The following TPST1 variants were observed in gnomAD, a reference collection of about 807,000 sequenced individuals.
TPST1 encodes the protein protein-tyrosine sulfotransferase 1.
Under a neutral mutation model 34.8 loss-of-function variants are expected in TPST1, and 20 were observed. That is an observed-to-expected ratio of 0.57 (90% CI 0.40 to 0.84). The LOEUF is 0.84. Among genes scored for constraint, TPST1 ranks in the 40% least tolerant of loss-of-function variants. TPST1 has a pLI of 0.00. For missense variants in TPST1, 353 were observed against 455.5 expected (o/e 0.78, Z 2.05); for synonymous variants, 152 against 159.4 (o/e 0.95, Z 0.35).
intron 2 of TPST1, among the ~76,000 whole-genome samples, chr7:66,263,064 C>T (rs1221284499): frequency 6.6e-6 from 1 of 151,710 alleles, no homozygotes; most frequent in Non-Finnish European, 1.5e-5. Flanking sequence ...CGTGCCACTG[C>T]ACTCCAGCCT....
chr7:66,337,726 G>A (rs1792149806), intron 3 of TPST1, among the ~76,000 whole-genome samples: 1 of 152,156 alleles, frequency 6.6e-6, no homozygotes, highest in Non-Finnish European at 1.5e-5. Flanking sequence ...CGGTGTTAAA[G>A]TATAGAGTTT....
intron 1 of TPST1, among the ~76,000 whole-genome samples, chr7:66,222,246 G>A (rs905670321): frequency 5.9e-5 from 9 of 152,118 alleles, no homozygotes; most frequent in Non-Finnish European, 1.2e-4. Flanking sequence ...TTAGCTGGGC[G>A]TGGTGGCAGG....
At chr7:66,315,964 G>A (rs1791624260) in intron 3 of TPST1, among the ~76,000 whole-genome samples, 1 of 152,012 alleles carries the variant, frequency 6.6e-6, no homozygotes, top group Non-Finnish European at 1.5e-5. Flanking sequence ...TACAAAATTA[G>A]CCAGGCATGG....
rs190084770 is a variant in TPST1 at position 66,332,400 on chromosome 7, T to A, written c.1045-20105T>A. Among the ~76,000 whole-genome samples, 2 of 152,194 alleles carry A rather than the reference T, an allele frequency of 1.3e-5. No individual in the cohort carries two copies. The highest frequency in any genetic ancestry group is 3.9e-4 in the East Asian group (2 of 5,168). On this transcript the variant is annotated intron_variant, in intron 3 of 5. Transcript: ENST00000304842. The surrounding 1 kb of genome is among the most constrained non-coding windows in gnomAD (Gnocchi z 4.5). Reference sequence around the variant, plus strand: ...CTCCTGCCTCAGCCTCCCGAGTAGCTGGGATTACAGGTGCCCGCCACCAAG... The same window carrying A: ...CTCCTGCCTCAGCCTCCCGAGTAGCAGGGATTACAGGTGCCCGCCACCAAG...
At chr7:66,282,728 G>T (rs1464692350) in intron 2 of TPST1, among the ~76,000 whole-genome samples, 1 of 152,220 alleles carries the variant, frequency 6.6e-6, no homozygotes, top group Admixed American at 6.5e-5. Flanking sequence ...GCAACTCTGA[G>T]AGTTTCAATG....
At chr7:66,271,423 C>A (rs534902901) in intron 2 of TPST1, among the ~76,000 whole-genome samples, 235 of 152,274 alleles carry the variant, frequency 1.5e-3, no homozygotes, top group Non-Finnish European at 2.6e-3. Flanking sequence ...GTGATCTGCC[C>A]GCCTCAGCTT....
intron 2 of TPST1, among the ~76,000 whole-genome samples, chr7:66,270,613 T>C (rs192634317): frequency 1.2e-4 from 19 of 152,384 alleles, no homozygotes; most frequent in Non-Finnish European, 1.2e-4. Context: ...TTCTTTACCA[T>C]ACACTATTTT....
intron 4 of TPST1, among the ~76,000 whole-genome samples, chr7:66,355,546 T>G (rs1481476026): frequency 6.6e-6 from 1 of 151,938 alleles, no homozygotes; most frequent in Non-Finnish European, 1.5e-5. Flanking sequence ...TAAGGGAATT[T>G]TTTTTTAAAT....
intron 1 of TPST1, 82 bp from the exon 2 acceptor site, chr7:66,240,243 T>C: frequency 2.7e-6 from 2 of 733,454 alleles, no homozygotes; most frequent in South Asian, 4.0e-5. Flanking sequence ...TCTTTCTACC[T>C]AAAATGCAGT....
intron 3 of TPST1, among the ~76,000 whole-genome samples, chr7:66,302,455 G>A (rs1791336185): frequency 6.6e-6 from 1 of 152,270 alleles, no homozygotes; most frequent in South Asian, 2.1e-4. Context: ...GCTCCCACCA[G>A]CACTTACTAA....
intron 2 of TPST1, among the ~76,000 whole-genome samples, chr7:66,286,165 A>G (rs1201593447): frequency 6.6e-6 from 1 of 152,052 alleles, no homozygotes; most frequent in Non-Finnish European, 1.5e-5. Flanking sequence ...TTTGGTAAGC[A>G]TTTCAAGTAA....
At chr7:66,236,489 C>T (rs755926286) in intron 1 of TPST1, among the ~76,000 whole-genome samples, 1 of 151,882 alleles carries the variant, frequency 6.6e-6, no homozygotes, top group Non-Finnish European at 1.5e-5. Context: ...GGTATATGTA[C>T]TTTATTTAAG....
At chr7:66,343,913 CA>C (rs1319272300) in intron 3 of TPST1, among the ~76,000 whole-genome samples, 1 of 151,922 alleles carries the variant, frequency 6.6e-6, no homozygotes, top group Non-Finnish European at 1.5e-5. Flanking sequence ...CATAAGCAGA[CA>C]ATAGAAACTC....
intron 1 of TPST1, among the ~76,000 whole-genome samples, chr7:66,239,784 G>C (rs1226355955): frequency 1.3e-5 from 2 of 152,116 alleles, no homozygotes; most frequent in African/African-American, 2.4e-5. Context: ...AACAAAAGCT[G>C]TTTCTGATTA....
chr7:66,279,533 T>A (rs1276529192), intron 2 of TPST1, among the ~76,000 whole-genome samples: 1 of 152,232 alleles, frequency 6.6e-6, no homozygotes. Context: ...CTAATTTACA[T>A]TCCCACCAGC....
intron 3 of TPST1, among the ~76,000 whole-genome samples, chr7:66,297,618 A>G (rs1791228664): frequency 1.3e-5 from 2 of 152,214 alleles, no homozygotes; most frequent in African/African-American, 4.8e-5. Context: ...AGGAAGAGCA[A>G]GTGATCAAAT....
chr7:66,306,985 G>C (rs1791436616), intron 3 of TPST1, among the ~76,000 whole-genome samples: 1 of 152,066 alleles, frequency 6.6e-6, no homozygotes, highest in Non-Finnish European at 1.5e-5. Flanking sequence ...CACAGTGCTG[G>C]GATTACAGGT....
chr7:66,276,365 C>CATATATATATAT (rs138862941), intron 2 of TPST1, among the ~76,000 whole-genome samples: 15,671 of 90,632 alleles, frequency 0.17, 2,831 homozygotes, highest in Non-Finnish European at 0.22. Flanking sequence ...AAAAACATTT[C>CATATATATATAT]ATATATATAT....
intron 3 of TPST1, among the ~76,000 whole-genome samples, chr7:66,306,466 T>C (rs1791425591): frequency 6.6e-6 from 1 of 152,206 alleles, no homozygotes; most frequent in Non-Finnish European, 1.5e-5. Flanking sequence ...TGACTCCCTG[T>C]CTTTCTTTGG....
Sources: allele counts gnomAD v4.1 joint callset (sites outside exome capture counted in the v4.1 genomes callset), GRCh38; gene constraint gnomAD v4.1.1; non-coding constraint Gnocchi (gnomAD v3.1); transcripts MANE v1.5; gene names NCBI Gene and HGNC (gene_info 2026-07-23, HGNC 2026-07-21).